The following GPC6 variants were observed in gnomAD, a reference collection of about 807,000 sequenced individuals.
GPC6 encodes glypican-6.
Under a neutral mutation model 55.2 loss-of-function variants are expected in GPC6, and 14 were observed. That is an observed-to-expected ratio of 0.25 (90% CI 0.17 to 0.40). The LOEUF is 0.40. Ranked by LOEUF, GPC6 falls within the 10% of genes least tolerant of loss-of-function variation. The pLI, the probability that GPC6 is intolerant of heterozygous loss-of-function variation, is 1.00. For missense variants in GPC6, 641 were observed against 708.5 expected, an observed-to-expected ratio of 0.90 and a Z score of 1.08; for synonymous variants, 278 against 259.6, an observed-to-expected ratio of 1.07 and a Z score of -0.68.
chr13:94,034,280 C>T (rs1225203428), intron 4 of GPC6, among the ~76,000 whole-genome samples: 1 of 146,276 alleles, frequency 6.8e-6, no homozygotes, highest in Non-Finnish European at 1.5e-5. Flanking sequence ...TGGCTGGCAC[C>T]CAACAGCCTG....
At chr13:93,772,148 A>C (rs537868717) in intron 2 of GPC6, among the ~76,000 whole-genome samples, 21 of 152,320 alleles carry the variant, frequency 1.4e-4, no homozygotes, top group African/African-American at 3.4e-4. Flanking sequence ...AAATAGTAAT[A>C]AAATGTCACT....
intron 4 of GPC6, among the ~76,000 whole-genome samples, chr13:94,253,955 G>C (rs61964494): frequency 0.11 from 16,049 of 152,122 alleles, 1,047 homozygotes; most frequent in Middle Eastern, 0.16. Flanking sequence ...GTAGCACACA[G>C]ATTGATGTAT....
At chr13:93,404,786 A>G (rs892513588) in intron 1 of GPC6, among the ~76,000 whole-genome samples, 4 of 152,066 alleles carry the variant, frequency 2.6e-5, no homozygotes, top group Non-Finnish European at 4.4e-5. Flanking sequence ...AGATTGGTAG[A>G]TTTCTATCAA....
chr13:94,276,267 A>C (rs1405674455), intron 4 of GPC6, among the ~76,000 whole-genome samples: 2 of 152,160 alleles, frequency 1.3e-5, no homozygotes, highest in Non-Finnish European at 2.9e-5. Flanking sequence ...GATCAGGTAG[A>C]ATGATAACAA....
chr13:94,327,700 G>GT (rs1176779088), intron 6 of GPC6, among the ~76,000 whole-genome samples: 1 of 152,162 alleles, frequency 6.6e-6, no homozygotes, highest in African/African-American at 2.4e-5. Flanking sequence ...GTGGGTCGGA[G>GT]TATTTTTGTG....
At chr13:93,673,122 CAGTT>C (rs1312484621) in intron 2 of GPC6, among the ~76,000 whole-genome samples, 1 of 151,964 alleles carries the variant, frequency 6.6e-6, no homozygotes, top group Non-Finnish European at 1.5e-5. Flanking sequence ...AGTTGGATGG[CAGTT>C]AGGTGGAGAA....
In GPC6 at chr13:93,974,236, G is replaced by C. The variant is rs557120613; in HGVS notation, c.712-53493G>C. Among the ~76,000 whole-genome samples the C allele has an allele frequency of 2.0e-4, 31 of 152,232 alleles. No individual in the cohort carries two copies. The South Asian group carries it at 5.4e-3, about 26-fold the overall frequency. On this transcript the variant is annotated intron_variant, in intron 3 of 8. Coordinates refer to ENST00000377047, the MANE Select transcript of GPC6 (RefSeq NM_005708.5). ...ATGATGCCTTGAGAATTTTTGGTCC[G>C]TAGGCATTGTTAGTTTCATTAACAT...
At chr13:93,738,485 T>C (rs1345891242) in intron 2 of GPC6, among the ~76,000 whole-genome samples, 2 of 152,182 alleles carry the variant, frequency 1.3e-5, no homozygotes, top group African/African-American at 4.8e-5. Context: ...CACATATTAC[T>C]TTAAAAACAA....
At chr13:93,446,770 G>A (rs1878021761) in intron 1 of GPC6, among the ~76,000 whole-genome samples, 1 of 152,100 alleles carries the variant, frequency 6.6e-6, no homozygotes, top group African/African-American at 2.4e-5. Flanking sequence ...TTGAAAATAT[G>A]AACTTGAACG....
intron 3 of GPC6, among the ~76,000 whole-genome samples, chr13:93,943,986 T>C (rs1304287518): frequency 6.6e-6 from 1 of 152,182 alleles, no homozygotes; most frequent in African/African-American, 2.4e-5. Context: ...ACCTGAACTC[T>C]CCCATCACTC....
chr13:93,779,759 A>G (rs985938551), intron 2 of GPC6, among the ~76,000 whole-genome samples: 13 of 151,954 alleles, frequency 8.6e-5, no homozygotes, highest in African/African-American at 3.1e-4. Context: ...TTTGTCCCCA[A>G]TTTTTTTCAG....
At chr13:93,780,476 C>A (rs1159788381) in intron 2 of GPC6, among the ~76,000 whole-genome samples, 1 of 151,894 alleles carries the variant, frequency 6.6e-6, no homozygotes, top group Non-Finnish European at 1.5e-5. Context: ...TAAAACAACC[C>A]CTAAAGCTTT....
chr13:93,868,777 T>G (rs1889044529), intron 3 of GPC6, among the ~76,000 whole-genome samples: 3 of 151,700 alleles, frequency 2.0e-5, no homozygotes, highest in Admixed American at 2.0e-4. Flanking sequence ...ACAAAGAAAA[T>G]GGATTGATGT....
chr13:94,202,506 G>A (rs1299104055), intron 4 of GPC6, among the ~76,000 whole-genome samples: 1 of 152,128 alleles, frequency 6.6e-6, no homozygotes, highest in Non-Finnish European at 1.5e-5. Context: ...ATCAGATCTC[G>A]TGAGACTTAT....
intron 6 of GPC6, among the ~76,000 whole-genome samples, chr13:94,376,399 C>A (rs1879858073): frequency 1.3e-5 from 2 of 151,254 alleles, no homozygotes; most frequent in South Asian, 2.1e-4. Flanking sequence ...TTCTTATACA[C>A]CAACAACAGA....
At chr13:93,512,475 G>A (rs528121153) in intron 1 of GPC6, among the ~76,000 whole-genome samples, 3 of 152,056 alleles carry the variant, frequency 2.0e-5, no homozygotes, top group Non-Finnish European at 4.4e-5. Flanking sequence ...ATTGATTTGT[G>A]TATCTTGAAT....
rs572413683 is a variant in GPC6 at position 93,646,062 on chromosome 13, T to A, written c.319+100641T>A. On this transcript the variant is annotated intron_variant, in intron 2 of 8. Coordinates refer to ENST00000377047, the MANE Select transcript of GPC6 (RefSeq NM_005708.5). ...TGTTTTAAAAGTATCTGTACATTTA[T>A]AAGAACAAAACTGATTTTGAGAGGC... Among the ~76,000 whole-genome samples, 58 of 152,202 alleles carry A rather than the reference T, an allele frequency of 3.8e-4. No individual in the cohort carries two copies. The East Asian group carries it at 0.01, about 26-fold the overall frequency.
intron 4 of GPC6, among the ~76,000 whole-genome samples, chr13:94,244,531 C>A (rs1231596243): frequency 5.9e-5 from 9 of 152,042 alleles, no homozygotes; most frequent in African/African-American, 1.9e-4. Flanking sequence ...GTAAAATTAC[C>A]TGTGATGTCT....
At chr13:94,086,003 A>G (rs1363940099) in intron 4 of GPC6, among the ~76,000 whole-genome samples, 1 of 152,144 alleles carries the variant, frequency 6.6e-6, no homozygotes. Flanking sequence ...CTGTTCTGTA[A>G]AGACACTGAA....
Sources: allele counts gnomAD v4.1 joint callset (sites outside exome capture counted in the v4.1 genomes callset), GRCh38; gene constraint gnomAD v4.1.1; transcripts MANE v1.5; gene names NCBI Gene and HGNC (gene_info 2026-07-23, HGNC 2026-07-21).